ROBO2: variants seen among roughly 807,000 people sequenced by gnomAD.
The protein encoded by ROBO2 is roundabout homolog 2.
ROBO2 carries 53 observed loss-of-function variants against 160.8 expected under a neutral mutation model. The ratio of observed to expected loss-of-function variants is 0.33; its 90% CI spans 0.26 to 0.41. The LOEUF is 0.41. Among genes scored for constraint, ROBO2 ranks in the 10% least tolerant of loss-of-function variants. The pLI, the probability that ROBO2 is intolerant of heterozygous loss-of-function variation, is 1.00. For synonymous variants in ROBO2, 664 were observed against 611.7 expected, an observed-to-expected ratio of 1.09 and a Z score of -1.26; for missense variants, 1,577 against 1,722.4, an observed-to-expected ratio of 0.92 and a Z score of 1.49.
chr3:76,035,434 T>G (rs1215179894), intron 2 of ROBO2, among the ~76,000 whole-genome samples: 4 of 146,546 alleles, frequency 2.7e-5, no homozygotes, highest in East Asian at 4.0e-4. Flanking sequence ...TTGTTTGTTT[T>G]TTTAATTAAG....
intron 2 of ROBO2, among the ~76,000 whole-genome samples, chr3:77,314,016 G>T (rs1261260676): frequency 1.3e-5 from 2 of 152,184 alleles, no homozygotes; most frequent in African/African-American, 4.8e-5. Context: ...CAGTATCCAG[G>T]GTGAAGGAAT....
intron 2 of ROBO2, among the ~76,000 whole-genome samples, chr3:76,528,921 G>A (rs1349356661): frequency 6.6e-6 from 1 of 152,064 alleles, no homozygotes; most frequent in African/African-American, 2.4e-5. Context: ...TCAAGGAAAG[G>A]TCCACAGTCT....
chr3:76,732,597 T>A (rs868619976), intron 2 of ROBO2, among the ~76,000 whole-genome samples: 1 of 152,130 alleles, frequency 6.6e-6, no homozygotes, highest in African/African-American at 2.4e-5. Context: ...TATTAAATTT[T>A]TTTGGCCCCT....
At chr3:77,198,447 CGGTGGCT>C (rs2082510581) in intron 2 of ROBO2, among the ~76,000 whole-genome samples, 6 of 151,986 alleles carry the variant, frequency 3.9e-5, no homozygotes, top group Admixed American at 3.9e-4. Flanking sequence ...AAAGAAGGTC[CGGTGGCT>C]GGAGAGCAGT....
chr3:76,375,974 T>C (rs2076325843), intron 2 of ROBO2, among the ~76,000 whole-genome samples: 1 of 152,216 alleles, frequency 6.6e-6, no homozygotes, highest in South Asian at 2.1e-4. Context: ...ACTTGGATTC[T>C]GTTACTTTTC....
intron 2 of ROBO2, among the ~76,000 whole-genome samples, chr3:77,279,313 A>G (rs72895160): frequency 0.058 from 8,788 of 152,126 alleles, 859 homozygotes; most frequent in African/African-American, 0.2. Context: ...GAAAATTTTC[A>G]GTAACTTAAT....
chr3:76,210,047 A>G (rs1444187329), intron 2 of ROBO2, among the ~76,000 whole-genome samples: 1 of 152,142 alleles, frequency 6.6e-6, no homozygotes, highest in African/African-American at 2.4e-5. Flanking sequence ...AGCACTGGAA[A>G]TAGAGCAGAG....
At chr3:76,654,459 CAGTGCATCCAT>C (rs2091400577) in intron 2 of ROBO2, among the ~76,000 whole-genome samples, 1 of 152,068 alleles carries the variant, frequency 6.6e-6, no homozygotes, top group Non-Finnish European at 1.5e-5. Context: ...ATGTTTTAAT[CAGTGCATCCAT>C]AGTCCAAAAT....
intron 2 of ROBO2, among the ~76,000 whole-genome samples, chr3:76,478,302 GT>G (rs1270373930): frequency 2.0e-5 from 3 of 150,848 alleles, no homozygotes; most frequent in African/African-American, 7.3e-5. Flanking sequence ...TCTTGCGATA[GT>G]TTACTGAGAA....
chr3:77,196,269 G>C (rs1168817967), intron 2 of ROBO2, among the ~76,000 whole-genome samples: 1 of 151,110 alleles, frequency 6.6e-6, no homozygotes, highest in Non-Finnish European at 1.5e-5. Flanking sequence ...TGTAGGATTA[G>C]TCCAATACTA....
chr3:77,061,406 T>G (rs1329711100), intron 1 of ROBO2, among the ~76,000 whole-genome samples: 5 of 152,162 alleles, frequency 3.3e-5, no homozygotes, highest in Non-Finnish European at 7.3e-5. Flanking sequence ...TTTTTAAAAT[T>G]TTTAACTTTT....
chr3:77,145,839 G>C (rs1005180317), intron 2 of ROBO2, among the ~76,000 whole-genome samples: 1 of 152,054 alleles, frequency 6.6e-6, no homozygotes, highest in Non-Finnish European at 1.5e-5. Context: ...TTATTCATTT[G>C]TTCTTCAGTC....
chr3:76,560,636 G>T (rs1265229288), intron 2 of ROBO2, among the ~76,000 whole-genome samples: 2 of 145,268 alleles, frequency 1.4e-5, no homozygotes, highest in African/African-American at 2.5e-5. Context: ...AAAAAGAAAA[G>T]AAAAGAAAAC....
At chr3:76,907,444 G>C (rs1224582433) in intron 2 of ROBO2, among the ~76,000 whole-genome samples, 1 of 152,112 alleles carries the variant, frequency 6.6e-6, no homozygotes, top group Non-Finnish European at 1.5e-5. Flanking sequence ...ACAGTAGAAC[G>C]AGATTGGATG....
chr3:76,726,175 C>A (rs959653642), intron 2 of ROBO2, among the ~76,000 whole-genome samples: 30 of 152,082 alleles, frequency 2.0e-4, no homozygotes, highest in African/African-American at 6.5e-4. Flanking sequence ...CCTGCATATC[C>A]ATTTCTATAC....
chr3:76,474,917 C>A (rs1217198632), intron 2 of ROBO2, among the ~76,000 whole-genome samples: 1 of 152,080 alleles, frequency 6.6e-6, no homozygotes, highest in African/African-American at 2.4e-5. Context: ...AGGCTATGGG[C>A]ATGTGCTTCT....
chr3:76,552,043 T>A (rs985119738), intron 2 of ROBO2, among the ~76,000 whole-genome samples: 1 of 152,154 alleles, frequency 6.6e-6, no homozygotes, highest in Non-Finnish European at 1.5e-5. Context: ...CACAGAGGTT[T>A]CCGGCTGGCA....
chr3:76,897,875 A>T (rs2074929281), intron 2 of ROBO2, among the ~76,000 whole-genome samples: 1 of 152,126 alleles, frequency 6.6e-6, no homozygotes, highest in Non-Finnish European at 1.5e-5. Context: ...ATGTACAGTT[A>T]ATTGAACAAT....
chr3:77,049,909 G>A (rs2065048185), intron 1 of ROBO2, among the ~76,000 whole-genome samples: 1 of 152,196 alleles, frequency 6.6e-6, no homozygotes, highest in African/African-American at 2.4e-5. Flanking sequence ...ATGTTCATAA[G>A]TGTGATTCAA....
Sources: gnomAD v4.1 joint callset for allele counts (sites outside exome capture counted in the v4.1 genomes callset) on GRCh38, gnomAD v4.1.1 for gene constraint, MANE v1.5 for transcripts, NCBI Gene and HGNC (gene_info 2026-07-23, HGNC 2026-07-21) for gene names.